PCDHA13: variants seen among roughly 807,000 people sequenced by gnomAD.
PCDHA13 encodes the protein protocadherin alpha-13.
Under a neutral mutation model 64.8 loss-of-function variants are expected in PCDHA13, and 54 were observed. The observed-to-expected ratio is 0.83, with a 90% CI of 0.67 to 1.04. The LOEUF is 1.04. Among genes scored for constraint, PCDHA13 ranks in the 50% least tolerant of loss-of-function variants. The pLI, the probability that PCDHA13 is intolerant of heterozygous loss-of-function variation, is 0.00. For missense variants in PCDHA13, 1,248 were observed against 1,254.3 expected (o/e 0.99, Z 0.08); for synonymous variants, 587 against 564.4 (o/e 1.04, Z -0.57).
At chr5:140,889,414 C>T (rs1014981678) in intron 1 of PCDHA13, among the ~76,000 whole-genome samples, 3 of 151,934 alleles carry the variant, frequency 2.0e-5, no homozygotes, top group Admixed American at 6.6e-5. Flanking sequence ...GAGTCAGTTA[C>T]GTAGATAATA....
At chr5:140,994,573 C>A (rs1587629172) in intron 3 of PCDHA13, among the ~76,000 whole-genome samples, 1 of 152,000 alleles carries the variant, frequency 6.6e-6, no homozygotes, top group African/African-American at 2.4e-5. Context: ...GGTGTGGTGG[C>A]ATGCACTTGT....
At chr5:140,942,619 TAA>T (rs35075175) in intron 1 of PCDHA13, among the ~76,000 whole-genome samples, 10 of 148,966 alleles carry the variant, frequency 6.7e-5, no homozygotes, top group Middle Eastern at 3.4e-3. Context: ...TTGCCAATTG[TAA>T]AAAAAAAAAT....
chr5:140,929,326 G>A, intron 1 of PCDHA13: 1 of 1,538,470 alleles, frequency 6.5e-7, no homozygotes. Context: ...CAATGCCATG[G>A]TAAGCAAATT....
rs199902550 is a variant in PCDHA13 at position 140,965,368 on chromosome 5, A to C, written c.2395-13581A>C. On this transcript the variant is annotated intron_variant, in intron 1 of 3. Transcript: ENST00000289272. ...TTGCCTCTATAGCAGTACAAGAGGAAACTTGGGGACACAGAAGAACAGAAG... is the reference window on the plus strand; with the variant it reads ...TTGCCTCTATAGCAGTACAAGAGGACACTTGGGGACACAGAAGAACAGAAG... 8.5e-5 allele frequency among the ~76,000 whole-genome samples: 13 copies of C among 152,290 alleles called. No homozygotes were observed. The East Asian group carries it at 2.5e-3, about 29-fold the overall frequency.
rs76093196 is a variant in PCDHA13, at chr5:140,971,173, C to G, written c.2395-7776C>G. Reference sequence around the variant, plus strand: ...AGGCCAGGCTCAGCTTTGCCACCAGCTGTAAGCCGGAAGCTCAGAGGAAAG... The same window carrying G: ...AGGCCAGGCTCAGCTTTGCCACCAGGTGTAAGCCGGAAGCTCAGAGGAAAG... On this transcript the variant is annotated intron_variant, in intron 1 of 3. Transcript: ENST00000289272. Among the ~76,000 whole-genome samples the G allele has an allele frequency of 3.8e-3, 583 of 152,260 alleles. 1 individual carries two copies. Among genetic ancestry groups the G allele is most frequent in the Non-Finnish European group, 7.2e-3 (492 of 68,018 alleles).
At chr5:140,906,487 CA>C (rs1346198597) in intron 1 of PCDHA13, among the ~76,000 whole-genome samples, 1 of 152,180 alleles carries the variant, frequency 6.6e-6, no homozygotes, top group Non-Finnish European at 1.5e-5. Context: ...TATAAATGCA[CA>C]AACATGTTTT....
At chr5:140,958,652 G>A (rs991773774) in intron 1 of PCDHA13, among the ~76,000 whole-genome samples, 15 of 152,030 alleles carry the variant, frequency 9.9e-5, no homozygotes, top group Admixed American at 2.6e-4. Flanking sequence ...ATCACAGAAA[G>A]CTATGATGAA....
At chr5:140,990,708 T>G (rs1201090744) in intron 3 of PCDHA13, among the ~76,000 whole-genome samples, 3 of 152,190 alleles carry the variant, frequency 2.0e-5, no homozygotes, top group African/African-American at 7.2e-5. Context: ...TTTATGGGGA[T>G]AAGAGCATCA....
At chr5:140,887,369 T>C (rs782675531) in intron 1 of PCDHA13, among the ~76,000 whole-genome samples, 1 of 152,200 alleles carries the variant, frequency 6.6e-6, no homozygotes, top group Non-Finnish European at 1.5e-5. Context: ...GTGCTGGGAT[T>C]ACAGGTGTGA....
chr5:140,971,295 G>C (rs2096467939), intron 1 of PCDHA13, among the ~76,000 whole-genome samples: 2 of 152,232 alleles, frequency 1.3e-5, no homozygotes, highest in South Asian at 4.1e-4. Flanking sequence ...TATGTACTTT[G>C]GTACACAAAC....
intron 1 of PCDHA13, among the ~76,000 whole-genome samples, chr5:140,936,367 A>G (rs1347774517): frequency 2.0e-5 from 3 of 152,348 alleles, no homozygotes; most frequent in East Asian, 1.9e-4. Flanking sequence ...GCTACTGAGC[A>G]CTTGAAATGT....
chr5:140,972,758 A>G lies in PCDHA13; in HGVS notation c.2395-6191A>G, dbSNP rs563540989. Among the ~76,000 whole-genome samples, 16 of 150,884 alleles carry G rather than the reference A, an allele frequency of 1.1e-4. No individual in the cohort carries two copies. In the South Asian group the frequency reaches 3.4e-3, roughly 32 times the overall value. On this transcript the variant is annotated intron_variant, in intron 1 of 3. Transcript: ENST00000289272. ...GGCTCACTGCAACCTCCGCCTCCCA[A>G]GTTAAAGTGATTCTTCTGCCTCAGC...
At chr5:140,993,032 G>A (rs1356944264) in intron 3 of PCDHA13, among the ~76,000 whole-genome samples, 2 of 152,286 alleles carry the variant, frequency 1.3e-5, no homozygotes, top group South Asian at 2.1e-4. Flanking sequence ...TGTGGGCTCC[G>A]TGTGTCATCA....
Position 141,011,543 on chromosome 5 carries a change from G to T in PCDHA13, c.*1606G>T, listed in dbSNP as rs1478395558. The stretch of plus-strand genomic sequence containing the variant: ...TTTTAACCATTGTTAATCAGCTTTT[G>T]TGTATGAAAGACACAGTAAAATTTC... On this transcript the variant is annotated 3_prime_UTR_variant, in exon 4 of 4. Coordinates refer to ENST00000289272, the MANE Select transcript of PCDHA13 (RefSeq NM_018904.3). 1.3e-5 allele frequency: 2 copies of T among 153,468 alleles called. No individual in the cohort carries two copies. Among genetic ancestry groups the T allele is most frequent in the African/African-American group, 4.8e-5 (2 of 41,376 alleles). The allele number at this position is 153,468 out of a possible 1,614,324, so 9.5% of individuals were successfully genotyped here. A position where few individuals can be genotyped will look rare whatever the true frequency, so the allele number is the denominator to read the frequency against.
At position 140,882,234 on chromosome 5, in the gene PCDHA13, T is replaced by C; in HGVS notation, c.-35T>C. 6.3e-7 allele frequency: 1 copy of C among 1,579,306 alleles called. No homozygotes were observed. Among genetic ancestry groups the C allele is most frequent in the Non-Finnish European group, 8.6e-7 (1 of 1,162,072 alleles). On this transcript the variant is annotated 5_prime_UTR_variant, in exon 1 of 4. Coordinates refer to ENST00000289272, the MANE Select transcript of PCDHA13 (RefSeq NM_018904.3). ...ACAGTTTGAGGTAAGGCGTTGTATATATTGCAGATAGCTCTGAGGTTTTTG... is the reference window on the plus strand; with the variant it reads ...ACAGTTTGAGGTAAGGCGTTGTATACATTGCAGATAGCTCTGAGGTTTTTG...
intron 1 of PCDHA13, among the ~76,000 whole-genome samples, chr5:140,947,064 A>G (rs1554218040): frequency 6.6e-6 from 1 of 151,738 alleles, no homozygotes; most frequent in African/African-American, 2.4e-5. Flanking sequence ...TACACAGTGT[A>G]TATATGTATT....
At chr5:140,939,089 A>C (rs1048123737) in intron 1 of PCDHA13, among the ~76,000 whole-genome samples, 11 of 152,204 alleles carry the variant, frequency 7.2e-5, no homozygotes, top group Non-Finnish European at 1.2e-4. Context: ...TGGGTGGCTT[A>C]AAAACAATAG....
chr5:140,906,575 T>C (rs1443480852), intron 1 of PCDHA13, among the ~76,000 whole-genome samples: 1 of 152,242 alleles, frequency 6.6e-6, no homozygotes, highest in Non-Finnish European at 1.5e-5. Context: ...ATAGCTGGTA[T>C]TGATGACTAC....
rs2059789153 is a variant in PCDHA13, at chr5:140,883,740, C to G, written c.1472C>G (p.Ser491Cys). The G allele has an allele frequency of 6.2e-7, 1 of 1,613,368 alleles. No individual in the cohort carries two copies. Among genetic ancestry groups the G allele is most frequent in the Non-Finnish European group, 8.5e-7 (1 of 1,179,818 alleles). The stretch of plus-strand genomic sequence containing the variant: ...GACGCACAGGAGAACGCGCTGGTCT[C>G]CTACTCGCTGGTGGAGCGGCGGGTG... The part of the protein sequence containing the change: ...DADAQENALV[S>C]YSLVERRVGE... Residue 491 changes from serine (S) to cysteine (C), a missense_variant, in exon 1 of 4, where the codon TCC becomes TGC. Coordinates refer to ENST00000289272, the MANE Select transcript of PCDHA13 (RefSeq NM_018904.3).
Sources: allele counts gnomAD v4.1 joint callset (sites outside exome capture counted in the v4.1 genomes callset), GRCh38; gene constraint gnomAD v4.1.1; transcripts MANE v1.5; gene names NCBI Gene and HGNC (gene_info 2026-07-23, HGNC 2026-07-21).